The following UNC5B variants were observed in gnomAD, a reference collection of about 807,000 sequenced individuals.
UNC5B encodes unc-5 netrin receptor B, also known as netrin receptor UNC5B.
In UNC5B, 56 loss-of-function variants were observed where a neutral mutation model predicts 103.7. The ratio of observed to expected loss-of-function variants is 0.54; its 90% CI spans 0.44 to 0.67. The LOEUF (loss-of-function observed/expected upper bound fraction) is 0.67, where lower values mean the gene tolerates loss of function less well. Ranked by LOEUF, UNC5B falls within the 30% of genes least tolerant of loss-of-function variation. The pLI is 0.00. For missense variants in UNC5B, 1,194 were observed against 1,284.5 expected (o/e 0.93, Z 1.08); for synonymous variants, 577 against 542.0 (o/e 1.06, Z -0.90).
intron 1 of UNC5B, among the ~76,000 whole-genome samples, chr10:71,252,743 T>G (rs1448013441): frequency 1.3e-5 from 2 of 152,120 alleles, no homozygotes; most frequent in Non-Finnish European, 2.9e-5. Context: ...GAGACCTGCC[T>G]TGTGAGACGG....
intron 3 of UNC5B, 56 bp downstream of exon 3, chr10:71,284,919 A>T (rs1845031567): frequency 1.3e-6 from 2 of 1,529,622 alleles, no homozygotes; most frequent in South Asian, 2.5e-5. Context: ...ATCCCTGAGG[A>T]TGCTGGAGAG....
chr10:71,226,750 C>T (rs1014477062), intron 1 of UNC5B, among the ~76,000 whole-genome samples: 1 of 152,174 alleles, frequency 6.6e-6, no homozygotes, highest in Non-Finnish European at 1.5e-5. Context: ...TAATAACATG[C>T]CATATTAATA....
chr10:71,282,738 C>T (rs1361038587), intron 2 of UNC5B, among the ~76,000 whole-genome samples: 2 of 151,982 alleles, frequency 1.3e-5, no homozygotes, highest in Non-Finnish European at 1.5e-5. Flanking sequence ...CGGGGCTGTC[C>T]CCCATCTGGA....
At chr10:71,248,974 AGTATGTACACATATGCTT>A (rs1844112679) in intron 1 of UNC5B, among the ~76,000 whole-genome samples, 1 of 152,070 alleles carries the variant, frequency 6.6e-6, no homozygotes, top group Non-Finnish European at 1.5e-5. Context: ...TCCTGTGGGC[AGTATGTACACATATGCTT>A]GTATTTGCAT....
intron 1 of UNC5B, among the ~76,000 whole-genome samples, chr10:71,255,225 C>T (rs953176411): frequency 2.0e-5 from 3 of 152,188 alleles, no homozygotes; most frequent in African/African-American, 4.8e-5. Flanking sequence ...AATAACACTG[C>T]GTTGAACATC....
chr10:71,260,879 AGGCAGCT>A (rs780597086), intron 1 of UNC5B, among the ~76,000 whole-genome samples: 6 of 152,256 alleles, frequency 3.9e-5, no homozygotes, highest in Non-Finnish European at 8.8e-5. Context: ...AGGGGCGGGC[AGGCAGCT>A]GGGAGCCCTG....
At position 71,296,657 on chromosome 10, in the gene UNC5B, C is replaced by T. The variant is rs1845423011; in HGVS notation, c.2405C>T (p.Ala802Val). 6.2e-7 allele frequency: 1 copy of T among 1,614,078 alleles called. No individual in the cohort carries two copies. Among genetic ancestry groups the T allele is most frequent in the Non-Finnish European group, 8.5e-7 (1 of 1,180,014 alleles). Residue 802 changes from alanine (A) to valine (V), a missense_variant, in exon 15 of 17, where the codon GCC (alanine) becomes GTC (valine). Ala to Val is a moderately conservative substitution (Grantham distance 64). Coordinates refer to ENST00000335350, the MANE Select transcript of UNC5B (RefSeq NM_170744.5). ...TTCACCCTGGAGAGGCACAGCTTGG[C>T]CTCCACAGAGCTCACCTGCAAGATC... ...CTFTLERHSL[A>V]STELTCKICV...
At chr10:71,284,199 C>A (rs1845003272) in intron 2 of UNC5B, among the ~76,000 whole-genome samples, 1 of 152,054 alleles carries the variant, frequency 6.6e-6, no homozygotes, top group African/African-American at 2.4e-5. Flanking sequence ...GGAAGTGAGG[C>A]TGATCCGAAA....
In UNC5B at chr10:71,291,453, C is replaced by T. The variant is rs1382329206; in HGVS notation, c.1316C>T (p.Pro439Leu). ...GCAGGCAACCCGCAGCTCCTACACC[C>T]CTCTGTGCCTCCTGACCTGACAGCC... is the stretch of plus-strand genomic sequence containing the variant. ...ARPSNPQLLH[P>L]SVPPDLTASA... The change falls in exon 10 of 17, where the codon CCC becomes CTC. Residue 439 changes from proline to leucine, a missense_variant. Physicochemically the swap from Pro to Leu is moderately conservative, Grantham distance 98. Transcript: ENST00000335350. 6.2e-7 allele frequency: 1 copy of T among 1,611,812 alleles called. No homozygotes were observed. Among genetic ancestry groups the T allele is most frequent in the Non-Finnish European group, 8.5e-7 (1 of 1,178,834 alleles).
At chr10:71,222,949 T>A (rs1203730278) in intron 1 of UNC5B, among the ~76,000 whole-genome samples, 1 of 152,226 alleles carries the variant, frequency 6.6e-6, no homozygotes, top group African/African-American at 2.4e-5. Context: ...CCAGGAAAGT[T>A]GTCCCTGACC....
intron 1 of UNC5B, among the ~76,000 whole-genome samples, chr10:71,272,018 A>G (rs1004126416): frequency 6.6e-6 from 1 of 152,162 alleles, no homozygotes; most frequent in African/African-American, 2.4e-5. Context: ...AGCCAGGGCC[A>G]GATGGAGGAA....
chr10:71,232,909 G>A (rs754010098), intron 1 of UNC5B, among the ~76,000 whole-genome samples: 5 of 152,204 alleles, frequency 3.3e-5, no homozygotes, highest in East Asian at 1.9e-4. Context: ...TACCTTGCTC[G>A]TGGAGAGGAA....
At chr10:71,245,925 C>G (rs979405280) in intron 1 of UNC5B, among the ~76,000 whole-genome samples, 1 of 152,356 alleles carries the variant, frequency 6.6e-6, no homozygotes, top group East Asian at 1.9e-4. Flanking sequence ...CTGTGACTTA[C>G]TGGTGATACA....
chr10:71,242,701 C>T (rs1156894455), intron 1 of UNC5B, among the ~76,000 whole-genome samples: 1 of 152,242 alleles, frequency 6.6e-6, no homozygotes, highest in Non-Finnish European at 1.5e-5. Context: ...CCAGTGCCCT[C>T]TCCTGCCACA....
At chr10:71,225,225 A>T (rs1049326937) in intron 1 of UNC5B, among the ~76,000 whole-genome samples, 1 of 151,344 alleles carries the variant, frequency 6.6e-6, no homozygotes, top group Non-Finnish European at 1.5e-5. Flanking sequence ...GCCAAGTGAG[A>T]AAACACCCAG....
rs571946513 is a variant in UNC5B, at chr10:71,222,515, C to T, written c.79+9451C>T. Among the ~76,000 whole-genome samples the T allele has an allele frequency of 3.1e-3, 148 of 47,754 alleles. 1 individual carries two copies. Among genetic ancestry groups the T allele is most frequent in the African/African-American group, 5.5e-3 (140 of 25,492 alleles). The allele number at this position is 47,754 out of a possible 152,430, so 31.3% of individuals were successfully genotyped here. A position where few individuals can be genotyped will look rare whatever the true frequency, so the allele number is the denominator to read the frequency against. On this transcript the variant is annotated intron_variant, in intron 1 of 16. Coordinates refer to ENST00000335350, the MANE Select transcript of UNC5B (RefSeq NM_170744.5). Reference sequence around the variant, plus strand: ...CCATTGCCTTCCCTTCTCTTCCTGCCCCTCCTCCACCCCCCGATTTGGCTG... The same window carrying T: ...CCATTGCCTTCCCTTCTCTTCCTGCTCCTCCTCCACCCCCCGATTTGGCTG...
rs1285417207 is a variant in UNC5B, at chr10:71,299,813, A to G, written c.*536A>G. On this transcript the variant is annotated 3_prime_UTR_variant, in exon 17 of 17. Transcript: ENST00000335350. ...AGAAAGAAAGCTTCAGACCGCTAGT[A>G]AGGCTCAAAGAAGAAGAAAAACACC... 6.6e-6 allele frequency: 1 copy of G among 152,366 alleles called. No individual in the cohort carries two copies. The highest frequency in any genetic ancestry group is 1.5e-5 in the Non-Finnish European group (1 of 68,126). 9.4% of individuals were successfully genotyped at this position (152,366 alleles called of 1,614,324 possible). A position where few individuals can be genotyped will look rare whatever the true frequency, so the allele number is the denominator to read the frequency against.
At chr10:71,268,980 C>G (rs1844583391) in intron 1 of UNC5B, among the ~76,000 whole-genome samples, 1 of 152,218 alleles carries the variant, frequency 6.6e-6, no homozygotes, top group Admixed American at 6.5e-5. Flanking sequence ...CAGGAGCAGG[C>G]AGCCCAGCTG....
chr10:71,280,562 G>A (rs1393107515), intron 2 of UNC5B, among the ~76,000 whole-genome samples: 3 of 152,230 alleles, frequency 2.0e-5, no homozygotes, highest in Non-Finnish European at 4.4e-5. Context: ...AAGTGGTGCT[G>A]GGATGTAGAC....
Sources: allele counts gnomAD v4.1 joint callset (sites outside exome capture counted in the v4.1 genomes callset), GRCh38; gene constraint gnomAD v4.1.1; transcripts MANE v1.5; gene names NCBI Gene and HGNC (gene_info 2026-07-23, HGNC 2026-07-21).